The following RNF157 variants were observed in gnomAD, a reference collection of about 807,000 sequenced individuals.
RNF157 encodes E3 ubiquitin ligase RNF157.
A neutral mutation model predicts 88.3 loss-of-function variants in RNF157; 55 were observed. That is an observed-to-expected ratio of 0.62 (90% CI 0.50 to 0.78). The LOEUF (loss-of-function observed/expected upper bound fraction) is 0.78, where lower values mean the gene tolerates loss of function less well. Ranked by LOEUF, RNF157 falls within the 30% of genes least tolerant of loss-of-function variation. The probability of loss-of-function intolerance (pLI) is 0.00; values close to 1 mark genes in which losing one functional copy is unlikely to be tolerated. For synonymous variants in RNF157, 334 were observed against 341.2 expected (o/e 0.98, Z 0.23); for missense variants, 788 against 860.8 (o/e 0.92, Z 1.06).
At chr17:76,225,690 A>G in intron 1 of RNF157, 1 of 1,299,116 alleles carries the variant, frequency 7.7e-7, no homozygotes. Flanking sequence ...ATTTATTGGA[A>G]CACACAGCTA....
chr17:76,235,200 T>TG (rs2070260560), intron 1 of RNF157, among the ~76,000 whole-genome samples: 1 of 105,248 alleles, frequency 9.5e-6, no homozygotes, highest in African/African-American at 4.9e-5. Context: ...AGTAGGTTAC[T>TG]TTTTTTTTTT....
chr17:76,234,554 T>C (rs7210745), intron 1 of RNF157, among the ~76,000 whole-genome samples: 20,585 of 152,196 alleles, frequency 0.14, 2,027 homozygotes, highest in African/African-American at 0.26. Flanking sequence ...TTTAAAATTA[T>C]AGCCATCCTA....
At chr17:76,165,661 G>T in intron 6 of RNF157, 116 bp from the exon 7 acceptor site, 1 of 1,100,474 alleles carries the variant, frequency 9.1e-7, no homozygotes, top group Middle Eastern at 2.0e-4. Context: ...GTCTCTAGAA[G>T]GGGCACGTTA....
chr17:76,173,069 G>A (rs1451638925), intron 3 of RNF157, among the ~76,000 whole-genome samples: 1 of 152,100 alleles, frequency 6.6e-6, no homozygotes, highest in Non-Finnish European at 1.5e-5. Context: ...GGTGGATCAC[G>A]AGGTCAGGAG....
intron 2 of RNF157, among the ~76,000 whole-genome samples, chr17:76,210,588 C>CAAAAAAAAAAAAAAAAAAAAAAAAA (rs71161274): frequency 5.6e-5 from 3 of 53,514 alleles, no homozygotes; most frequent in African/African-American, 1.6e-4. Context: ...AGACTCCGTC[C>CAAAAAAAAAAAAAAAAAAAAAAAAA]AAAAAAAAAA....
At chr17:76,209,275 T>C (rs1422544994) in intron 2 of RNF157, among the ~76,000 whole-genome samples, 1 of 152,172 alleles carries the variant, frequency 6.6e-6, no homozygotes, top group African/African-American at 2.4e-5. Context: ...TTAAGGCTGC[T>C]ACCTAGCATT....
chr17:76,235,497 C>T lies in RNF157; in HGVS notation c.88+4656G>A, dbSNP rs757466773. The stretch of plus-strand genomic sequence containing the variant: ...ACAGGCGTGAGCCACTGCGCCCAGC[C>T]GTAAATTGCATATTTTTAAGTGTAT... On this transcript the variant is annotated intron_variant, in intron 1 of 18. Transcript: ENST00000269391. Among the ~76,000 whole-genome samples, 37 of 152,188 alleles carry T rather than the reference C, an allele frequency of 2.4e-4. 1 individual carries two copies. The highest frequency in any genetic ancestry group is 1.2e-3 in the South Asian group (6 of 4,810).
intron 2 of RNF157, among the ~76,000 whole-genome samples, chr17:76,182,574 T>C (rs538655784): frequency 6.6e-6 from 1 of 151,176 alleles, no homozygotes; most frequent in African/African-American, 2.4e-5. Flanking sequence ...TGTAAAAAAA[T>C]ATGGTCACAG....
intron 1 of RNF157, among the ~76,000 whole-genome samples, chr17:76,225,502 T>C (rs1470162732): frequency 6.6e-6 from 1 of 152,218 alleles, no homozygotes; most frequent in East Asian, 1.9e-4. Context: ...TCCTGTTCTA[T>C]TATTTTTTTT....
Position 76,176,609 on chromosome 17 carries a change from G to T in RNF157, c.208-2819C>A, listed in dbSNP as rs747894338. Among the ~76,000 whole-genome samples, 77 of 152,338 alleles carry T rather than the reference G, an allele frequency of 5.1e-4. No individual in the cohort carries two copies. Among genetic ancestry groups the T allele is most frequent in the Admixed American group, 9.8e-4 (15 of 15,308 alleles). On this transcript the variant is annotated intron_variant, in intron 2 of 18. Coordinates refer to ENST00000269391, the MANE Select transcript of RNF157 (RefSeq NM_052916.3). This position sits in a 1 kb window ranked among gnomAD's most constrained non-coding sequence, Gnocchi z 4.2. Reference sequence around the variant, plus strand: ...TGCCATCACAACGGCTGCTGCAGGGGGGTCGCAGGGAGCAGACAGACAGCC... The same window carrying T: ...TGCCATCACAACGGCTGCTGCAGGGTGGTCGCAGGGAGCAGACAGACAGCC...
At chr17:76,145,686 A>C in intron 18 of RNF157, 2 of 237,442 alleles carry the variant, frequency 8.4e-6, no homozygotes, top group Non-Finnish European at 1.6e-5. Context: ...GTTTGCCTAT[A>C]TGTTACAATA....
chr17:76,207,724 C>G (rs1243238443), intron 2 of RNF157, among the ~76,000 whole-genome samples: 1 of 152,154 alleles, frequency 6.6e-6, no homozygotes, highest in Non-Finnish European at 1.5e-5. Context: ...TGCTGACACC[C>G]AAGATCTTTT....
rs1461975623 is a variant in RNF157 at position 76,157,809 on chromosome 17, T to C, written c.1413+584A>G. ...AGAAGCTGCATAAACCTTTGTTAAG[T>C]GAGGTCTCTGTGGGACGCACAGAGT... On this transcript the variant is annotated intron_variant, in intron 13 of 18. Coordinates refer to ENST00000269391, the MANE Select transcript of RNF157 (RefSeq NM_052916.3). This position sits in a 1 kb window ranked among gnomAD's most constrained non-coding sequence, Gnocchi z 5.6. 1.3e-5 allele frequency among the ~76,000 whole-genome samples: 2 copies of C among 152,106 alleles called. No homozygotes were observed. The highest frequency in any genetic ancestry group is 1.9e-4 in the East Asian group (1 of 5,168).
chr17:76,196,882 A>G (rs2069486371), intron 2 of RNF157, among the ~76,000 whole-genome samples: 1 of 152,098 alleles, frequency 6.6e-6, no homozygotes, highest in African/African-American at 2.4e-5. Flanking sequence ...TACAAGCTGT[A>G]CTCCAAAGCT....
intron 3 of RNF157, among the ~76,000 whole-genome samples, chr17:76,170,290 T>G (rs561468440): frequency 6.6e-5 from 10 of 152,102 alleles, no homozygotes; most frequent in African/African-American, 2.4e-4. Context: ...TGCAGTGCTG[T>G]GATCGTGACT....
chr17:76,165,612 C>T, intron 6 of RNF157, 67 bp from the exon 7 acceptor site: 1 of 1,555,122 alleles, frequency 6.4e-7, no homozygotes. Context: ...ATGACTTTCT[C>T]CAGTTCCCTG....
intron 17 of RNF157, among the ~76,000 whole-genome samples, chr17:76,152,867 T>A (rs1187962926): frequency 6.6e-6 from 1 of 152,218 alleles, no homozygotes; most frequent in Non-Finnish European, 1.5e-5. Context: ...GCCTTGGGTG[T>A]GAGCTGGGTG....
At chr17:76,211,518 T>C (rs1020377847) in intron 2 of RNF157, among the ~76,000 whole-genome samples, 1 of 152,212 alleles carries the variant, frequency 6.6e-6, no homozygotes, top group Admixed American at 6.5e-5. Context: ...ACTGGAAAGA[T>C]TACTGATCTG....
chr17:76,169,579 GTTTT>G (rs558817508), intron 3 of RNF157, among the ~76,000 whole-genome samples: 5 of 133,488 alleles, frequency 3.7e-5, no homozygotes, highest in Non-Finnish European at 6.4e-5. Context: ...GCCTAGTTAG[GTTTT>G]TTTTTTTTTT....
Sources: allele counts gnomAD v4.1 joint callset (sites outside exome capture counted in the v4.1 genomes callset), GRCh38; gene constraint gnomAD v4.1.1; non-coding constraint Gnocchi (gnomAD v3.1); transcripts MANE v1.5; gene names NCBI Gene and HGNC (gene_info 2026-07-23, HGNC 2026-07-21).